The following GALNT13 variants were observed in gnomAD, a reference collection of about 807,000 sequenced individuals.
The protein encoded by GALNT13 is polypeptide N-acetylgalactosaminyltransferase 13, also known as UDP-GalNAc:polypeptide N-acetylgalactosaminyltransferase 13.
Under a neutral mutation model 64.2 loss-of-function variants are expected in GALNT13, and 28 were observed. The observed-to-expected ratio is 0.44, with a 90% CI of 0.32 to 0.60. The LOEUF (loss-of-function observed/expected upper bound fraction) is 0.60. GALNT13 is among the 20% of genes least tolerant of loss of function. The pLI is 0.05. For missense variants in GALNT13, 577 were observed against 669.8 expected, an observed-to-expected ratio of 0.86 and a Z score of 1.53; for synonymous variants, 214 against 224.6, an observed-to-expected ratio of 0.95 and a Z score of 0.42.
chr2:153,189,936 A>T, the GALNT13 span, among the ~76,000 whole-genome samples: 1 of 151,970 alleles, frequency 6.6e-6, no homozygotes, highest in African/African-American at 2.4e-5. Context: ...TATTTGTCCA[A>T]TTTTTAATGG....
chr2:154,389,992 T>G lies in GALNT13; in HGVS notation c.1157-5999T>G, dbSNP rs935179878. On this transcript the variant is annotated intron_variant, in intron 9 of 12. Transcript: ENST00000392825. ...CCTTCAAAATGTCTGGGTGGCCTGA[T>G]AGTTGATTTCCTAAGAAAGGAACTT... Among the ~76,000 whole-genome samples, 16 of 152,126 alleles carry G rather than the reference T, an allele frequency of 1.1e-4. 1 individual carries two copies. Among genetic ancestry groups the G allele is most frequent in the Admixed American group, 9.2e-4 (14 of 15,268 alleles).
At chr2:153,646,787 A>G in the GALNT13 span, among the ~76,000 whole-genome samples, 2 of 152,174 alleles carry the variant, frequency 1.3e-5, no homozygotes, top group South Asian at 2.1e-4. Flanking sequence ...TACAAAGGAC[A>G]TGAACTCCTC....
chr2:153,936,947 G>A (rs1690975823), intron 2 of GALNT13, among the ~76,000 whole-genome samples: 1 of 152,054 alleles, frequency 6.6e-6, no homozygotes. Flanking sequence ...TCAATCTCCT[G>A]ACCTTGTGTT....
chr2:153,221,308 C>A, the GALNT13 span, among the ~76,000 whole-genome samples: 1 of 152,162 alleles, frequency 6.6e-6, no homozygotes, highest in South Asian at 2.1e-4. Flanking sequence ...ACGTACACAC[C>A]CAAATCGATG....
chr2:153,413,410 C>G, the GALNT13 span, among the ~76,000 whole-genome samples: 1 of 152,116 alleles, frequency 6.6e-6, no homozygotes, highest in Non-Finnish European at 1.5e-5. Context: ...TTGCCTTGTA[C>G]CCCAGTGCAC....
At chr2:153,895,548 A>G (rs1174292041) in intron 1 of GALNT13, among the ~76,000 whole-genome samples, 1 of 152,140 alleles carries the variant, frequency 6.6e-6, no homozygotes, top group Non-Finnish European at 1.5e-5. Flanking sequence ...CATACAACTG[A>G]AATGAAGGCA....
At chr2:154,246,413 G>T (rs1207546969) in intron 7 of GALNT13, among the ~76,000 whole-genome samples, 1 of 152,142 alleles carries the variant, frequency 6.6e-6, no homozygotes, top group South Asian at 2.1e-4. Flanking sequence ...CTTCCTTATA[G>T]ATTCTATAGG....
chr2:153,358,331 G>A, the GALNT13 span, among the ~76,000 whole-genome samples: 1 of 152,118 alleles, frequency 6.6e-6, no homozygotes. Flanking sequence ...AGATGCCTAA[G>A]GACGTCACTA....
At chr2:153,976,712 G>T (rs1408059800) in intron 3 of GALNT13, among the ~76,000 whole-genome samples, 1 of 151,968 alleles carries the variant, frequency 6.6e-6, no homozygotes, top group African/African-American at 2.4e-5. Flanking sequence ...AATCGATTAT[G>T]TTGGGTTACT....
chr2:153,715,447 TG>T, the GALNT13 span, among the ~76,000 whole-genome samples: 27 of 152,368 alleles, frequency 1.8e-4, no homozygotes, highest in Non-Finnish European at 3.1e-4. Flanking sequence ...CTCTCACCTG[TG>T]ACTGGTGCAT....
At position 154,033,596 on chromosome 2, in the gene GALNT13, A is replaced by G. The variant is rs141405432; in HGVS notation, c.142+88957A>G. Among the ~76,000 whole-genome samples, 4 of 152,286 alleles carry G rather than the reference A, an allele frequency of 2.6e-5. No homozygotes were observed. In the East Asian group the frequency reaches 7.7e-4, roughly 29 times the overall value. On this transcript the variant is annotated intron_variant, in intron 3 of 12. Transcript: ENST00000392825. ...CCTCATTATCTGTTAGGAAATGGAA[A>G]TTTAAAACAAAATGAGATACCACTA...
chr2:154,304,208 C>T (rs2105105044), intron 9 of GALNT13, among the ~76,000 whole-genome samples: 1 of 152,240 alleles, frequency 6.6e-6, no homozygotes, highest in Middle Eastern at 3.4e-3. Flanking sequence ...TTTCAAGCCT[C>T]TTCTATGTTA....
At chr2:153,739,750 T>G in the GALNT13 span, among the ~76,000 whole-genome samples, 1 of 151,436 alleles carries the variant, frequency 6.6e-6, no homozygotes, top group Non-Finnish European at 1.5e-5. Context: ...TATCCATGTA[T>G]GTTGCTCATT....
the GALNT13 span, among the ~76,000 whole-genome samples, chr2:153,709,031 C>A: frequency 6.6e-6 from 1 of 151,904 alleles, no homozygotes; most frequent in Non-Finnish European, 1.5e-5. Context: ...TTTAAAGCTA[C>A]TAGAAGAAAT....
the GALNT13 span, among the ~76,000 whole-genome samples, chr2:153,075,431 T>C: frequency 3.9e-5 from 6 of 152,300 alleles, no homozygotes; most frequent in African/African-American, 1.4e-4. Context: ...TACTAATTTT[T>C]CTTACAATTC....
At chr2:153,408,845 A>G in the GALNT13 span, among the ~76,000 whole-genome samples, 1 of 152,020 alleles carries the variant, frequency 6.6e-6, no homozygotes, top group South Asian at 2.1e-4. Flanking sequence ...TTGCCAAAGG[A>G]GCTTAACATT....
chr2:154,192,382 G>A (rs757833152), intron 4 of GALNT13, among the ~76,000 whole-genome samples: 1 of 152,114 alleles, frequency 6.6e-6, no homozygotes, highest in Non-Finnish European at 1.5e-5. Flanking sequence ...TCCAGGCCCG[G>A]GGGTGGAACC....
chr2:153,910,361 T>A (rs899307182), intron 2 of GALNT13, among the ~76,000 whole-genome samples: 1 of 152,098 alleles, frequency 6.6e-6, no homozygotes, highest in Admixed American at 6.6e-5. Context: ...TCTATCCATC[T>A]TTTTAATTTT....
At chr2:153,291,768 G>A in the GALNT13 span, among the ~76,000 whole-genome samples, 7 of 142,692 alleles carry the variant, frequency 4.9e-5, no homozygotes, top group Admixed American at 4.2e-4. Context: ...AAAACCTCTT[G>A]TGGACCAAAA....
Sources: gnomAD v4.1 joint callset for allele counts (sites outside exome capture counted in the v4.1 genomes callset) on GRCh38, gnomAD v4.1.1 for gene constraint, MANE v1.5 for transcripts, NCBI Gene and HGNC (gene_info 2026-07-23, HGNC 2026-07-21) for gene names.